Variants in BRD10 observed in about 807,000 individuals in gnomAD.
BRD10 encodes bromodomain containing 10, also known as uncharacterized bromodomain-containing protein 10.
the BRD10 span, among the ~76,000 whole-genome samples, chr9:5,972,294 CAA>C: frequency 6.6e-6 from 1 of 151,968 alleles, no homozygotes; most frequent in Non-Finnish European, 1.5e-5. Flanking sequence ...AAAACATGAG[CAA>C]AGAGAAGGAG....
chr9:5,954,166 C>G, the BRD10 span: 6 of 805,844 alleles, frequency 7.4e-6, no homozygotes, highest in South Asian at 7.9e-5. Context: ...ACAAATTACG[C>G]AGATCCTTGA....
the BRD10 span, among the ~76,000 whole-genome samples, chr9:5,980,676 T>C: frequency 1.3e-5 from 2 of 151,680 alleles, no homozygotes; most frequent in South Asian, 2.1e-4. Flanking sequence ...ACAATGTATA[T>C]GTATATAGAG....
chr9:5,974,537 T>C, the BRD10 span, among the ~76,000 whole-genome samples: 1 of 152,194 alleles, frequency 6.6e-6, no homozygotes, highest in South Asian at 2.1e-4. Flanking sequence ...TGAAAGAGTA[T>C]CCAGATCATG....
chr9:5,901,306 T>G, the BRD10 span, among the ~76,000 whole-genome samples: 1 of 152,190 alleles, frequency 6.6e-6, no homozygotes, highest in Non-Finnish European at 1.5e-5. Context: ...TTCCTGATCT[T>G]AGCAGAAAAG....
the BRD10 span, chr9:5,907,187 TAAA>T: frequency 2.7e-6 from 1 of 364,844 alleles, no homozygotes; most frequent in Non-Finnish European, 4.8e-6. Context: ...TAAATAATAA[TAAA>T]AAACAAGGGA....
the BRD10 span, among the ~76,000 whole-genome samples, chr9:5,882,034 C>T: frequency 2.6e-5 from 4 of 152,160 alleles, no homozygotes; most frequent in East Asian, 1.9e-4. Flanking sequence ...GGGGAGCTCC[C>T]GGCAACCTTC....
the BRD10 span, among the ~76,000 whole-genome samples, chr9:5,884,594 T>C: frequency 6.6e-6 from 1 of 152,198 alleles, no homozygotes; most frequent in Non-Finnish European, 1.5e-5. Context: ...AGGTGATCCC[T>C]ACTTACCTTC....
chr9:5,934,007 T>C, the BRD10 span: 5 of 332,568 alleles, frequency 1.5e-5, no homozygotes, highest in African/African-American at 6.4e-5. Context: ...CACTTGTTTA[T>C]ACAAGCCATA....
chr9:5,929,340 C>T, the BRD10 span, among the ~76,000 whole-genome samples: 1 of 152,106 alleles, frequency 6.6e-6, no homozygotes, highest in African/African-American at 2.4e-5. Context: ...TAACAATTCT[C>T]AATTCTACCA....
At chr9:5,920,716 G>C in the BRD10 span, 3 of 1,613,804 alleles carry the variant, frequency 1.9e-6, no homozygotes, top group Non-Finnish European at 2.5e-6. Flanking sequence ...GTGGAACTGT[G>C]TTTATTATTT....
At chr9:5,961,348 G>A in the BRD10 span, among the ~76,000 whole-genome samples, 1 of 152,060 alleles carries the variant, frequency 6.6e-6, no homozygotes, top group Admixed American at 6.6e-5. Context: ...ACATTTACTA[G>A]GTAATGAGGA....
At chr9:5,994,952 T>C in the BRD10 span, among the ~76,000 whole-genome samples, 1 of 150,198 alleles carries the variant, frequency 6.7e-6, no homozygotes, top group African/African-American at 2.5e-5. Context: ...CAGGCTGGAG[T>C]GCAATGGCAC....
At chr9:5,927,599 A>G in the BRD10 span, among the ~76,000 whole-genome samples, 1 of 152,180 alleles carries the variant, frequency 6.6e-6, no homozygotes, top group African/African-American at 2.4e-5. Flanking sequence ...CAGCTCACCA[A>G]GGTCATTAAT....
At chr9:5,995,386 T>C in the BRD10 span, among the ~76,000 whole-genome samples, 1 of 152,200 alleles carries the variant, frequency 6.6e-6, no homozygotes, top group Non-Finnish European at 1.5e-5. Context: ...GTGCCTCCAA[T>C]CCTCTAATGA....
chr9:5,880,827 C>G, the BRD10 span, among the ~76,000 whole-genome samples: 2 of 151,992 alleles, frequency 1.3e-5, no homozygotes, highest in African/African-American at 4.8e-5. Flanking sequence ...GCGTCAGCCT[C>G]CTGAGTAGCT....
the BRD10 span, chr9:5,913,955 A>G: frequency 6.8e-6 from 3 of 441,842 alleles, no homozygotes; most frequent in Non-Finnish European, 9.0e-6. Context: ...TGGCCTCGAG[A>G]AAGTCTTGGA....
chr9:5,958,314 T>A, the BRD10 span, among the ~76,000 whole-genome samples: 1 of 152,238 alleles, frequency 6.6e-6, no homozygotes, highest in East Asian at 1.9e-4. Context: ...TCTGGAAATA[T>A]GCCTTTTATA....
chr9:5,891,523 T>C, the BRD10 span, among the ~76,000 whole-genome samples: 7 of 152,206 alleles, frequency 4.6e-5, no homozygotes, highest in African/African-American at 1.7e-4. Context: ...CCTGTTGTTT[T>C]AAACTGGGGC....
the BRD10 span, among the ~76,000 whole-genome samples, chr9:5,955,433 T>G: frequency 2.6e-5 from 4 of 152,234 alleles, no homozygotes; most frequent in Non-Finnish European, 5.9e-5. Flanking sequence ...AACTTTGCTG[T>G]ACATAATCCT....
Sources: gnomAD v4.1 joint callset for allele counts (sites outside exome capture counted in the v4.1 genomes callset) on GRCh38, gnomAD v4.1.1 for gene constraint, MANE v1.5 for transcripts, NCBI Gene and HGNC (gene_info 2026-07-23, HGNC 2026-07-21) for gene names.